The following CHD9 variants were observed in gnomAD, a reference collection of about 807,000 sequenced individuals.
CHD9 encodes chromodomain helicase DNA binding protein 9.
A neutral mutation model predicts 316.1 loss-of-function variants in CHD9; 77 were observed. That is an observed-to-expected ratio of 0.24 (90% CI 0.20 to 0.29). The LOEUF is 0.29. Ranked by LOEUF, CHD9 falls within the 10% of genes least tolerant of loss-of-function variation. The probability of loss-of-function intolerance (pLI) is 1.00; values close to 1 mark genes in which losing one functional copy is unlikely to be tolerated. For synonymous variants in CHD9, 1,129 were observed against 1,158.3 expected (o/e 0.97, Z 0.51); for missense variants, 2,763 against 3,438.1 (o/e 0.80, Z 4.91).
chr16:53,211,524 A>T (rs1214018598), intron 3 of CHD9, among the ~76,000 whole-genome samples: 5 of 151,908 alleles, frequency 3.3e-5, no homozygotes, highest in Middle Eastern at 3.4e-3. Flanking sequence ...TGTACTAGAA[A>T]TTTTTTTTTG....
intron 3 of CHD9, among the ~76,000 whole-genome samples, chr16:53,211,942 G>A (rs981102088): frequency 9.2e-5 from 14 of 152,082 alleles, no homozygotes; most frequent in Non-Finnish European, 1.8e-4. Flanking sequence ...GTAAAGTTCA[G>A]TTGCATCATT....
chr16:53,163,983 T>A (rs910024743), intron 2 of CHD9, among the ~76,000 whole-genome samples: 3 of 152,202 alleles, frequency 2.0e-5, no homozygotes, highest in African/African-American at 7.2e-5. Flanking sequence ...ACAGAGAAGT[T>A]AAGTAATAAA....
At chr16:53,315,065 C>G in intron 36 of CHD9, 21 bp downstream of exon 36, 1 of 1,539,954 alleles carries the variant, frequency 6.5e-7, no homozygotes, top group East Asian at 2.3e-5. Context: ...CCTTAAAATT[C>G]TTGTTATATT....
At chr16:53,089,228 G>T (rs567159741) in intron 1 of CHD9, among the ~76,000 whole-genome samples, 25 of 152,322 alleles carry the variant, frequency 1.6e-4, no homozygotes, top group African/African-American at 6.0e-4. Flanking sequence ...CGAGACTGCA[G>T]TGAGCTATGA....
At position 53,288,343 on chromosome 16, in the gene CHD9, A is replaced by G. The variant is rs550187558; in HGVS notation, c.5247+329A>G. Among the ~76,000 whole-genome samples the G allele has an allele frequency of 4.7e-4, 71 of 152,340 alleles. 2 individuals are homozygous for G. In the South Asian group the frequency reaches 0.013, roughly 28 times the overall value. On this transcript the variant is annotated intron_variant, in intron 27 of 38. Coordinates refer to ENST00000447540, the MANE Select transcript of CHD9 (RefSeq NM_001308319.2). ...AGTGAGAACTAGATACTAAAGATAT[A>G]CTGCAAGAGTTAGAAACTATACCTA... is the stretch of plus-strand genomic sequence containing the variant.
chr16:53,282,312 T>C (rs1476517570), intron 24 of CHD9, among the ~76,000 whole-genome samples: 2 of 152,158 alleles, frequency 1.3e-5, no homozygotes, highest in Non-Finnish European at 2.9e-5. Flanking sequence ...CAAATTTATG[T>C]TAGGAAGCAT....
At chr16:53,231,308 T>A in intron 8 of CHD9, 111 bp from the exon 9 acceptor site, 1 of 540,762 alleles carries the variant, frequency 1.8e-6, no homozygotes, top group South Asian at 3.2e-5. Context: ...TATTGGACAT[T>A]TAACTGAAAT....
intron 2 of CHD9, among the ~76,000 whole-genome samples, chr16:53,186,344 G>A (rs953911380): frequency 6.6e-6 from 1 of 152,166 alleles, no homozygotes; most frequent in South Asian, 2.1e-4. Context: ...AATGGGGCCT[G>A]TAGCCCCTTC....
In CHD9 at chr16:53,297,008, G is replaced by A. The variant is rs1384431083; in HGVS notation, c.5563G>A (p.Val1855Met). The A allele has an allele frequency of 1.2e-6, 2 of 1,613,742 alleles. No homozygotes were observed. The highest frequency in any genetic ancestry group is 1.7e-5 in the Admixed American group (1 of 60,004). The stretch of plus-strand genomic sequence containing the variant: ...TTATAGGGTTGTATCTACATTTGGA[G>A]TGGTTTTTGACCCTGACAGAGGCCA... ...DFYRVVSTFG[V>M]VFDPDRGQFD... Residue 1855 changes from valine (V) to methionine (M), a missense_variant, in exon 30 of 39, where the codon GTG becomes ATG. Around this residue, in one of 15 missense-constraint regions of CHD9, gnomAD observed 183 missense variants for 258.5 expected, o/e 0.71. Transcript: ENST00000447540.
chr16:53,117,567 A>G (rs2038412032), intron 1 of CHD9, among the ~76,000 whole-genome samples: 1 of 151,812 alleles, frequency 6.6e-6, no homozygotes, highest in Non-Finnish European at 1.5e-5. Context: ...GGCACCCACC[A>G]CCATACCCAG....
At chr16:53,255,902 A>C in intron 19 of CHD9, 123 bp downstream of exon 19, 1 of 873,706 alleles carries the variant, frequency 1.1e-6, no homozygotes, top group South Asian at 2.0e-5. Context: ...GCAGTAGGTA[A>C]TGTATTTTCC....
intron 4 of CHD9, among the ~76,000 whole-genome samples, chr16:53,224,844 C>T (rs1011816390): frequency 2.6e-5 from 4 of 152,064 alleles, no homozygotes; most frequent in African/African-American, 4.8e-5. Context: ...CCATAGAATT[C>T]CCCCCTCCTA....
intron 19 of CHD9, among the ~76,000 whole-genome samples, chr16:53,261,524 C>T (rs1219036359): frequency 1.3e-5 from 2 of 151,862 alleles, no homozygotes; most frequent in Non-Finnish European, 2.9e-5. Context: ...CAGGTGTGCA[C>T]CACCACCTCA....
intron 1 of CHD9, among the ~76,000 whole-genome samples, chr16:53,092,010 C>T (rs2035983616): frequency 6.6e-6 from 1 of 152,210 alleles, no homozygotes; most frequent in South Asian, 2.1e-4. Flanking sequence ...TCCCCTGACT[C>T]ATTCATTAAA....
intron 17 of CHD9, among the ~76,000 whole-genome samples, 191 bp from the exon 18 acceptor site, chr16:53,254,247 T>G (rs566759967): frequency 6.6e-5 from 10 of 152,276 alleles, no homozygotes; most frequent in African/African-American, 2.4e-4. Flanking sequence ...AAACCTAAAT[T>G]TTAACTTACT....
intron 1 of CHD9, among the ~76,000 whole-genome samples, chr16:53,142,169 G>A (rs1414012253): frequency 6.6e-6 from 1 of 152,180 alleles, no homozygotes; most frequent in African/African-American, 2.4e-5. Flanking sequence ...ATCTTGGTAA[G>A]TCGACAAGGA....
At chr16:53,216,158 G>A (rs1341391867) in intron 3 of CHD9, among the ~76,000 whole-genome samples, 1 of 152,122 alleles carries the variant, frequency 6.6e-6, no homozygotes, top group Non-Finnish European at 1.5e-5. Flanking sequence ...TTTATTTGAA[G>A]CATGTATTTA....
At chr16:53,118,813 G>A (rs1032775732) in intron 1 of CHD9, among the ~76,000 whole-genome samples, 1 of 37,950 alleles carries the variant, frequency 2.6e-5, no homozygotes, top group Non-Finnish European at 6.2e-5. Flanking sequence ...TTTTTTTTTT[G>A]ACAGAGTCTT....
intron 2 of CHD9, among the ~76,000 whole-genome samples, chr16:53,196,822 T>C (rs1366288476): frequency 6.6e-6 from 1 of 152,228 alleles, no homozygotes; most frequent in East Asian, 1.9e-4. Flanking sequence ...AACTAAAGTT[T>C]TATGTGAATC....
Sources: gnomAD v4.1 joint callset for allele counts (sites outside exome capture counted in the v4.1 genomes callset) on GRCh38, gnomAD v4.1.1 for gene constraint, gnomAD v4.1.1 regional missense constraint, MANE v1.5 for transcripts, NCBI Gene and HGNC (gene_info 2026-07-23, HGNC 2026-07-21) for gene names.